Variants in CACNA2D3 observed in about 807,000 individuals in gnomAD.
CACNA2D3 encodes the protein voltage-dependent calcium channel subunit alpha-2/delta-3.
In CACNA2D3, 60 loss-of-function variants were observed where a neutral mutation model predicts 160.6. That is an observed-to-expected ratio of 0.37 (90% CI 0.30 to 0.46). The LOEUF (loss-of-function observed/expected upper bound fraction) is 0.46, where lower values mean the gene tolerates loss of function less well. Among genes scored for constraint, CACNA2D3 ranks in the 20% least tolerant of loss-of-function variants. The pLI is 1.00. For synonymous variants in CACNA2D3, 558 were observed against 492.9 expected (o/e 1.13, Z -1.75); for missense variants, 1,205 against 1,365.0 (o/e 0.88, Z 1.85).
At chr3:54,331,007 C>A (rs1423599684) in intron 3 of CACNA2D3, among the ~76,000 whole-genome samples, 1 of 151,942 alleles carries the variant, frequency 6.6e-6, no homozygotes, top group Admixed American at 6.6e-5. Context: ...AGGGGATGGG[C>A]AGAAGTGTGG....
rs996738127 is a variant in CACNA2D3, at chr3:54,122,699, C to G, written c.-15C>G. 4 of 1,150,324 alleles carry G rather than the reference C, an allele frequency of 3.5e-6. No homozygotes were observed. The African/African-American group carries it at 4.9e-5, about 14-fold the overall frequency. 71.3% of individuals were successfully genotyped at this position (1,150,324 alleles called of 1,614,324 possible). ...CTCGTCGCCGCCGCAGCGGGCGCGT[C>G]GGAGGGAGCCCAGCATGGCCGGGCC... On this transcript the variant is annotated 5_prime_UTR_variant, in exon 1 of 38. Transcript: ENST00000474759.
At chr3:54,689,736 A>G (rs181762383) in intron 11 of CACNA2D3, among the ~76,000 whole-genome samples, 3 of 152,102 alleles carry the variant, frequency 2.0e-5, no homozygotes, top group African/African-American at 7.2e-5. Context: ...ACACACACAC[A>G]CACCCTACCC....
intron 13 of CACNA2D3, among the ~76,000 whole-genome samples, chr3:54,795,427 T>TTC (rs10653518): frequency 6.6e-6 from 1 of 151,842 alleles, no homozygotes; most frequent in Non-Finnish European, 1.5e-5. Flanking sequence ...ATTTTCCCAT[T>TTC]TATATAGTAA....
intron 35 of CACNA2D3, among the ~76,000 whole-genome samples, chr3:55,051,427 G>A (rs1284426902): frequency 6.6e-6 from 1 of 152,106 alleles, no homozygotes; most frequent in African/African-American, 2.4e-5. Context: ...GGGCGTCAGG[G>A]GTCAGGGACC....
chr3:54,879,140 G>GA, intron 19 of CACNA2D3, 51 bp downstream of exon 19: 5 of 1,229,928 alleles, frequency 4.1e-6, no homozygotes, highest in Non-Finnish European at 5.8e-6. Context: ...AAACCACTGT[G>GA]AAAAATTAGC....
chr3:54,400,044 G>T (rs368713935), intron 4 of CACNA2D3, among the ~76,000 whole-genome samples: 1 of 131,716 alleles, frequency 7.6e-6, no homozygotes, highest in Non-Finnish European at 1.6e-5. Context: ...CAATATTCGG[G>T]TGGGAGTGAC....
intron 34 of CACNA2D3, 95 bp from the exon 35 acceptor site, chr3:55,018,111 G>A (rs1439445007): frequency 1.4e-6 from 1 of 721,072 alleles, no homozygotes; most frequent in Admixed American, 2.1e-5. Context: ...AGCAGCAGAA[G>A]CGGAACTGTG....
At chr3:54,843,149 A>G (rs1168046170) in intron 16 of CACNA2D3, among the ~76,000 whole-genome samples, 1 of 152,066 alleles carries the variant, frequency 6.6e-6, no homozygotes, top group African/African-American at 2.4e-5. Flanking sequence ...TTTAGTAGAG[A>G]CAGGGTTTCA....
Position 54,178,911 on chromosome 3 carries a change from G to C in CACNA2D3, c.204+55317G>C, listed in dbSNP as rs576803299. Among the ~76,000 whole-genome samples, 11 of 152,264 alleles carry C rather than the reference G, an allele frequency of 7.2e-5. No individual in the cohort carries two copies. In the South Asian group the frequency reaches 2.3e-3, roughly 32 times the overall value. On this transcript the variant is annotated intron_variant, in intron 2 of 37. Coordinates refer to ENST00000474759, the MANE Select transcript of CACNA2D3 (RefSeq NM_018398.3). ...GTTTCCAGATCTGTGAAAAGCCTCT[G>C]TTTGGAAGGCACTATAGGTGACAGC...
At chr3:54,974,802 A>G (rs1278468830) in intron 29 of CACNA2D3, among the ~76,000 whole-genome samples, 1 of 152,130 alleles carries the variant, frequency 6.6e-6, no homozygotes, top group African/African-American at 2.4e-5. Flanking sequence ...TTGAACTCCT[A>G]ATTTCTTCAA....
intron 12 of CACNA2D3, among the ~76,000 whole-genome samples, chr3:54,754,476 T>A (rs796941257): frequency 3.3e-5 from 5 of 152,332 alleles, no homozygotes; most frequent in African/African-American, 1.2e-4. Flanking sequence ...GTAAGTGCCC[T>A]GAGTTATTCT....
At chr3:54,911,824 C>A (rs1435864875) in intron 27 of CACNA2D3, among the ~76,000 whole-genome samples, 3 of 152,194 alleles carry the variant, frequency 2.0e-5, no homozygotes, top group Non-Finnish European at 4.4e-5. Flanking sequence ...TTACTCAGAG[C>A]TAAAAGCCAA....
In CACNA2D3 at chr3:54,178,291, T is replaced by C. The variant is rs115946310; in HGVS notation, c.204+54697T>C. Among the ~76,000 whole-genome samples the C allele has an allele frequency of 2.6e-3, 389 of 152,326 alleles. 4 individuals are homozygous for C. The highest frequency in any genetic ancestry group is 9.2e-3 in the African/African-American group (381 of 41,574). ...TTATTTTTGTCTTTTAGAGTTGGCT[T>C]TAGATACGGCTTCAGCCCTCTGGGG... On this transcript the variant is annotated intron_variant, in intron 2 of 37. Transcript: ENST00000474759.
chr3:55,063,149 A>G (rs376038958), intron 35 of CACNA2D3, among the ~76,000 whole-genome samples: 1 of 152,166 alleles, frequency 6.6e-6, no homozygotes, highest in Admixed American at 6.5e-5. Context: ...CTCCAAAGGT[A>G]TGGGAGGAGG....
At chr3:54,578,953 A>G (rs1377417418) in intron 8 of CACNA2D3, among the ~76,000 whole-genome samples, 5 of 152,218 alleles carry the variant, frequency 3.3e-5, no homozygotes, top group African/African-American at 7.2e-5. Flanking sequence ...ATTCTTATGC[A>G]TAAGATTCTG....
rs1175592645 is a variant in CACNA2D3, at chr3:54,637,722, G to A, written c.1054-4406G>A. 2.0e-5 allele frequency: 3 copies of A among 152,024 alleles called. No homozygotes were observed. In the South Asian group the frequency reaches 6.2e-4, roughly 31 times the overall value. 9.4% of individuals were successfully genotyped at this position (152,024 alleles called of 1,614,324 possible). A position where few individuals can be genotyped will look rare whatever the true frequency, so the allele number is the denominator to read the frequency against. On this transcript the variant is annotated intron_variant, in intron 10 of 37. Coordinates refer to ENST00000474759, the MANE Select transcript of CACNA2D3 (RefSeq NM_018398.3). ...CTCGGCGTCCATGATGGTCTGCGGG[G>A]CTTCTGAGGCGATCAGGCAGCGTCA... is the stretch of plus-strand genomic sequence containing the variant.
chr3:54,721,650 A>T (rs539680539), intron 11 of CACNA2D3, among the ~76,000 whole-genome samples: 1 of 151,558 alleles, frequency 6.6e-6, no homozygotes, highest in East Asian at 1.9e-4. Context: ...AATCCCAACT[A>T]CTTGGGAGGC....
chr3:54,732,980 C>T (rs1303780151), intron 11 of CACNA2D3, among the ~76,000 whole-genome samples: 2 of 152,208 alleles, frequency 1.3e-5, no homozygotes, highest in African/African-American at 4.8e-5. Context: ...TAAAACTGAT[C>T]AGAACTTCTA....
intron 5 of CACNA2D3, among the ~76,000 whole-genome samples, chr3:54,557,224 TA>T (rs1702255457): frequency 6.6e-6 from 1 of 152,226 alleles, no homozygotes; most frequent in African/African-American, 2.4e-5. Flanking sequence ...AGGTAGATTA[TA>T]TTTTTTTAGT....
Sources: gnomAD v4.1 joint callset for allele counts (sites outside exome capture counted in the v4.1 genomes callset) on GRCh38, gnomAD v4.1.1 for gene constraint, MANE v1.5 for transcripts, NCBI Gene and HGNC (gene_info 2026-07-23, HGNC 2026-07-21) for gene names.